Variants in TRIP12 observed in about 807,000 individuals in gnomAD.
TRIP12 encodes thyroid hormone receptor interactor 12, also known as E3 ubiquitin-protein ligase TRIP12.
TRIP12 carries 25 observed loss-of-function variants against 244.2 expected under a neutral mutation model. The observed-to-expected ratio is 0.10, with a 90% CI of 0.07 to 0.14. The LOEUF is 0.14. TRIP12 is among the 10% of genes least tolerant of loss of function. TRIP12 has a pLI of 1.00. For synonymous variants in TRIP12, 905 were observed against 873.1 expected, an observed-to-expected ratio of 1.04 and a Z score of -0.64; for missense variants, 1,677 against 2,486.4, an observed-to-expected ratio of 0.67 and a Z score of 6.92.
intron 4 of TRIP12, among the ~76,000 whole-genome samples, chr2:229,851,095 A>C (rs2058608378): frequency 6.6e-6 from 1 of 152,240 alleles, no homozygotes; most frequent in Non-Finnish European, 1.5e-5. Flanking sequence ...AGGGCTGAGG[A>C]GTCCGAGCAC....
chr2:229,875,141 G>A (rs1373918660), intron 2 of TRIP12, among the ~76,000 whole-genome samples: 1 of 152,048 alleles, frequency 6.6e-6, no homozygotes, highest in African/African-American at 2.4e-5. Context: ...AGAGGAAAGG[G>A]GCTAAGAAAA....
chr2:229,908,094 C>A (rs1004429537), intron 1 of TRIP12, among the ~76,000 whole-genome samples: 2 of 152,142 alleles, frequency 1.3e-5, no homozygotes, highest in Non-Finnish European at 2.9e-5. Context: ...TATCCTCCAC[C>A]AGCAGACTGT....
intron 8 of TRIP12, among the ~76,000 whole-genome samples, chr2:229,820,937 T>C (rs2049886262): frequency 1.3e-5 from 2 of 152,166 alleles, no homozygotes; most frequent in South Asian, 2.1e-4. Flanking sequence ...GTAGAACTCA[T>C]GGATACAGAA....
At position 229,860,404 on chromosome 2, in the gene TRIP12, A is replaced by G; in HGVS notation, c.224+2T>C. The G allele has an allele frequency of 6.3e-7, 1 of 1,593,160 alleles. No individual in the cohort carries two copies. The highest frequency in any genetic ancestry group is 1.2e-5 in the South Asian group (1 of 86,846). On this transcript the variant is annotated splice_donor_variant, in intron 3 of 41. Transcript: ENST00000675903. LOFTEE classifies it high-confidence loss of function. ...AAATGTATAAGCAACATGAAGATTT[A>G]CCTTTTAGAAAGGTGTCCCCTTGAC...
intron 4 of TRIP12, among the ~76,000 whole-genome samples, chr2:229,852,131 A>C (rs1349516121): frequency 6.6e-6 from 1 of 152,242 alleles, no homozygotes; most frequent in Non-Finnish European, 1.5e-5. Flanking sequence ...CACCAGGAGA[A>C]TATGAAACTC....
At chr2:229,845,462 T>A (rs1446908274) in intron 4 of TRIP12, among the ~76,000 whole-genome samples, 1 of 152,180 alleles carries the variant, frequency 6.6e-6, no homozygotes, top group African/African-American at 2.4e-5. Flanking sequence ...AGATTGTATG[T>A]GGTCAGCAAG....
At chr2:229,837,016 T>C in intron 5 of TRIP12, 32 bp from the exon 6 acceptor site, 1 of 1,490,024 alleles carries the variant, frequency 6.7e-7, no homozygotes, top group Non-Finnish European at 8.9e-7. Context: ...ATGGGCAGCA[T>C]TACCAGTGAA....
intron 6 of TRIP12, among the ~76,000 whole-genome samples, chr2:229,835,456 G>A (rs2054562285): frequency 6.6e-6 from 1 of 152,068 alleles, no homozygotes; most frequent in African/African-American, 2.4e-5. Context: ...ATAAACTCTT[G>A]TAACTGCATT....
intron 8 of TRIP12, 102 bp downstream of exon 8, chr2:229,829,091 A>C (rs755093718): frequency 1.3e-5 from 13 of 1,021,490 alleles, no homozygotes; most frequent in Non-Finnish European, 1.9e-5. Context: ...AATGGGTTAA[A>C]GTTGATGAAA....
At chr2:229,837,680 A>G (rs1420406291) in intron 5 of TRIP12, among the ~76,000 whole-genome samples, 1 of 152,162 alleles carries the variant, frequency 6.6e-6, no homozygotes, top group East Asian at 1.9e-4. Context: ...GGAAGGGAGG[A>G]GGAGGAGATG....
At chr2:229,768,219 G>A (rs764231094) in intron 41 of TRIP12, among the ~76,000 whole-genome samples, 14 of 152,122 alleles carry the variant, frequency 9.2e-5, no homozygotes, top group Non-Finnish European at 7.4e-5. Flanking sequence ...CCAAGATCAC[G>A]CCACTGCACT....
At chr2:229,785,514 T>C (rs1380077419) in intron 34 of TRIP12, among the ~76,000 whole-genome samples, 1 of 152,238 alleles carries the variant, frequency 6.6e-6, no homozygotes, top group Non-Finnish European at 1.5e-5. Flanking sequence ...GTTTAAAATA[T>C]CCTTTCAATT....
chr2:229,914,100 T>G (rs2074902265), intron 1 of TRIP12, among the ~76,000 whole-genome samples: 1 of 152,130 alleles, frequency 6.6e-6, no homozygotes, highest in African/African-American at 2.4e-5. Context: ...CTCAGGAGGC[T>G]GAGGCAGGGA....
chr2:229,895,120 C>T (rs1468159639), intron 1 of TRIP12, among the ~76,000 whole-genome samples: 1 of 151,440 alleles, frequency 6.6e-6, no homozygotes, highest in Non-Finnish European at 1.5e-5. Flanking sequence ...TGTGTAGATG[C>T]ATAAAGGACA....
At chr2:229,874,416 T>C (rs2063232667) in intron 2 of TRIP12, among the ~76,000 whole-genome samples, 2 of 152,180 alleles carry the variant, frequency 1.3e-5, no homozygotes, top group Non-Finnish European at 2.9e-5. Flanking sequence ...AAACCCATTT[T>C]CAAGAATTCG....
At chr2:229,782,469 A>T (rs1283218877) in intron 34 of TRIP12, among the ~76,000 whole-genome samples, 1 of 152,162 alleles carries the variant, frequency 6.6e-6, no homozygotes. Flanking sequence ...TGAATGCGTC[A>T]TTCAGTTGGC....
intron 5 of TRIP12, among the ~76,000 whole-genome samples, chr2:229,840,116 T>A (rs1469989093): frequency 6.6e-6 from 1 of 152,298 alleles, no homozygotes; most frequent in Admixed American, 6.5e-5. Context: ...AATCACACTA[T>A]TGGGAAATTT....
intron 2 of TRIP12, 113 bp from the exon 3 acceptor site, chr2:229,860,644 C>T: frequency 1.0e-6 from 1 of 991,590 alleles, no homozygotes; most frequent in South Asian, 3.2e-5. Context: ...TCATTGTTGA[C>T]CCTACCCTTT....
At position 229,915,432 on chromosome 2, in the gene TRIP12, G is replaced by A. The variant is rs1312860867; in HGVS notation, c.-50+6448C>T. On this transcript the variant is annotated intron_variant, in intron 1 of 41. Transcript: ENST00000675903. Reference sequence around the variant, plus strand: ...GTCTCAAAGTCATTTTAGCATTAACGATGCAAAATAAGAATCAAAATTTTA... The same window carrying A: ...GTCTCAAAGTCATTTTAGCATTAACAATGCAAAATAAGAATCAAAATTTTA... Among the ~76,000 whole-genome samples, 6 of 152,172 alleles carry A rather than the reference G, an allele frequency of 3.9e-5. No homozygotes were observed. The East Asian group carries it at 5.8e-4, about 15-fold the overall frequency.
Sources: gnomAD v4.1 joint callset for allele counts (sites outside exome capture counted in the v4.1 genomes callset) on GRCh38, gnomAD v4.1.1 for gene constraint, MANE v1.5 for transcripts, NCBI Gene and HGNC (gene_info 2026-07-23, HGNC 2026-07-21) for gene names.